GSR: variants seen among roughly 807,000 people sequenced by gnomAD.
GSR encodes glutathione-disulfide reductase, also known as glutathione reductase, mitochondrial.
Under a neutral mutation model 56.5 loss-of-function variants are expected in GSR, and 48 were observed. The observed-to-expected ratio is 0.85, with a 90% CI of 0.67 to 1.08. GSR has a LOEUF of 1.08. Among genes scored for constraint, GSR ranks in the 50% least tolerant of loss-of-function variants. The pLI, the probability that GSR is intolerant of heterozygous loss-of-function variation, is 0.00. For synonymous variants in GSR, 264 were observed against 270.8 expected (o/e 0.97, Z 0.25); for missense variants, 694 against 703.3 (o/e 0.99, Z 0.15).
At chr8:30,701,283 T>A (rs1032019500) in intron 5 of GSR, among the ~76,000 whole-genome samples, 8 of 151,730 alleles carry the variant, frequency 5.3e-5, no homozygotes, top group African/African-American at 1.9e-4. Flanking sequence ...CTGGCCAACA[T>A]GGTGAAACCC....
At chr8:30,702,841 G>A (rs1803788365) in intron 5 of GSR, among the ~76,000 whole-genome samples, 2 of 152,128 alleles carry the variant, frequency 1.3e-5, no homozygotes, top group Admixed American at 1.3e-4. Context: ...GGGAGGCTGA[G>A]GCAGGAGAAT....
At chr8:30,680,090 G>T (rs527476780) in intron 12 of GSR, among the ~76,000 whole-genome samples, 3 of 152,226 alleles carry the variant, frequency 2.0e-5, no homozygotes, top group East Asian at 3.9e-4. Context: ...GCAGTTCTTA[G>T]TCTTGAGAAG....
intron 1 of GSR, among the ~76,000 whole-genome samples, chr8:30,723,793 CA>C (rs1804633010): frequency 4.0e-5 from 1 of 24,856 alleles, no homozygotes; most frequent in South Asian, 1.5e-3. Context: ...AACACACACA[CA>C]CACACACACA....
At chr8:30,695,535 T>A (rs1226106545) in intron 7 of GSR, among the ~76,000 whole-genome samples, 1 of 152,158 alleles carries the variant, frequency 6.6e-6, no homozygotes, top group Non-Finnish European at 1.5e-5. Context: ...GTGCCCAGTC[T>A]GCAATTTATT....
At chr8:30,692,700 C>T (rs982172756) in intron 8 of GSR, among the ~76,000 whole-genome samples, 4 of 151,724 alleles carry the variant, frequency 2.6e-5, no homozygotes, top group Admixed American at 2.0e-4. Flanking sequence ...GAGGGTTTCA[C>T]CATGTTGGCC....
chr8:30,697,657 C>T (rs151028217), intron 6 of GSR, among the ~76,000 whole-genome samples: 133 of 152,124 alleles, frequency 8.7e-4, no homozygotes, highest in African/African-American at 2.4e-3. Context: ...CCTAATATCC[C>T]GTCACAGAAG....
rs71206279 is a variant in GSR, at chr8:30,692,196, CT to C, written c.882+772del. ...CTTCAAGGCTGAATGTAAAATACAG[CT>C]TTTTTTTTTTTTTTTTTTTTTTTTG... is the stretch of plus-strand genomic sequence containing the variant. On this transcript the variant is annotated intron_variant, in intron 8 of 12. Transcript: ENST00000221130. 5.7e-3 allele frequency among the ~76,000 whole-genome samples: 439 copies of C among 76,408 alleles called. 1 individual carries two copies. Among genetic ancestry groups the C allele is most frequent in the African/African-American group, 0.017 (346 of 20,190 alleles). 50.1% of individuals were successfully genotyped at this position (76,408 alleles called of 152,430 possible).
intron 11 of GSR, among the ~76,000 whole-genome samples, chr8:30,681,384 T>C (rs1802951279): frequency 6.6e-6 from 1 of 151,804 alleles, no homozygotes; most frequent in African/African-American, 2.4e-5. Context: ...TAGCCAGGCA[T>C]GGTGGTGGTG....
intron 4 of GSR, 84 bp from the exon 5 acceptor site, chr8:30,703,324 T>G: frequency 1.2e-5 from 15 of 1,230,128 alleles, no homozygotes; most frequent in East Asian, 2.3e-5. Context: ...TTCATTTCTC[T>G]ACTGAACATT....
At chr8:30,719,844 T>A (rs2128748754) in intron 1 of GSR, among the ~76,000 whole-genome samples, 1 of 152,248 alleles carries the variant, frequency 6.6e-6, no homozygotes, top group East Asian at 1.9e-4. Flanking sequence ...AACTTCACAT[T>A]GCCCATGTTG....
intron 3 of GSR, among the ~76,000 whole-genome samples, chr8:30,708,646 T>C (rs541791038): frequency 9.3e-4 from 142 of 152,164 alleles, no homozygotes; most frequent in African/African-American, 3.1e-3. Context: ...CATAGCAGCA[T>C]TGTTCACAAT....
At chr8:30,698,845 C>G (rs143959951) in intron 6 of GSR, among the ~76,000 whole-genome samples, 1 of 142,260 alleles carries the variant, frequency 7.0e-6, no homozygotes, top group Non-Finnish European at 1.5e-5. Flanking sequence ...CCAGTCCCTG[C>G]GCCAACACAT....
chr8:30,696,457 C>T lies in GSR; in HGVS notation c.718G>A (p.Gly240Ser). 3 of 1,612,902 alleles carry T rather than the reference C, an allele frequency of 1.9e-6. No individual in the cohort carries two copies. The highest frequency in any genetic ancestry group is 2.5e-6 in the Non-Finnish European group (3 of 1,178,864). The stretch of plus-strand genomic sequence containing the variant: ...CCTGCCATCTCCACAGCAATGTAAC[C>T]TGCACCAACAATGACGCTGCGGCTG... ...LPGRSVIVGA[G>S]YIAVEMAGIL... Residue 240 changes from glycine (G) to serine (S), a missense_variant, in exon 7 of 13, where the codon GGT (glycine) becomes AGT (serine). By Grantham distance (56) the Gly-to-Ser change is moderately conservative. Transcript: ENST00000221130.
intron 3 of GSR, among the ~76,000 whole-genome samples, chr8:30,709,200 A>C (rs1804022526): frequency 6.6e-6 from 1 of 151,524 alleles, no homozygotes; most frequent in Non-Finnish European, 1.5e-5. Context: ...TCTACTAAAA[A>C]CAAAAATTAA....
chr8:30,698,843 T>C (rs765720915), intron 6 of GSR, among the ~76,000 whole-genome samples: 1 of 144,072 alleles, frequency 6.9e-6, no homozygotes, highest in South Asian at 2.1e-4. Flanking sequence ...GGCCAGTCCC[T>C]GCGCCAACAC....
chr8:30,723,783 AACAC>A (rs5890533), intron 1 of GSR, among the ~76,000 whole-genome samples: 13,126 of 52,486 alleles, frequency 0.25, 1,748 homozygotes, highest in African/African-American at 0.36. Flanking sequence ...CAGAGCAACA[AACAC>A]ACACACACAC....
At chr8:30,723,783 A>AAC (rs5890533) in intron 1 of GSR, among the ~76,000 whole-genome samples, 1,312 of 52,596 alleles carry the variant, frequency 0.025, 18 homozygotes, top group Middle Eastern at 0.032. Flanking sequence ...CAGAGCAACA[A>AAC]ACACACACAC....
intron 2 of GSR, among the ~76,000 whole-genome samples, chr8:30,710,714 C>CAAAAAAAAAAAAAAAAAAA (rs60532553): frequency 2.0e-5 from 1 of 51,036 alleles, no homozygotes; most frequent in Non-Finnish European, 3.8e-5. Flanking sequence ...GACTCTGTCT[C>CAAAAAAAAAAAAAAAAAAA]AAAAAAAAAA....
chr8:30,695,709 C>T (rs577871520), intron 7 of GSR, among the ~76,000 whole-genome samples: 39 of 152,238 alleles, frequency 2.6e-4, no homozygotes, highest in African/African-American at 8.9e-4. Flanking sequence ...AACAATCTAA[C>T]ATTACTTGAT....
Sources: allele counts gnomAD v4.1 joint callset (sites outside exome capture counted in the v4.1 genomes callset), GRCh38; gene constraint gnomAD v4.1.1; transcripts MANE v1.5; gene names NCBI Gene and HGNC (gene_info 2026-07-23, HGNC 2026-07-21).